The following ALG9 variants were observed in gnomAD, a reference collection of about 807,000 sequenced individuals.
The protein encoded by ALG9 is ALG9 alpha-1,2-mannosyltransferase, also known as alpha-1,2-mannosyltransferase ALG9.
In ALG9, 55 loss-of-function variants were observed where a neutral mutation model predicts 81.8. That is an observed-to-expected ratio of 0.67 (90% CI 0.54 to 0.84). The LOEUF (loss-of-function observed/expected upper bound fraction) is 0.84. Among genes scored for constraint, ALG9 ranks in the 40% least tolerant of loss-of-function variants. The pLI is 0.00. For synonymous variants in ALG9, 278 were observed against 274.3 expected (o/e 1.01, Z -0.13); for missense variants, 629 against 745.0 (o/e 0.84, Z 1.81).
At chr11:111,793,104 C>T (rs1194443127) in intron 14 of ALG9, among the ~76,000 whole-genome samples, 1 of 152,176 alleles carries the variant, frequency 6.6e-6, no homozygotes, top group Non-Finnish European at 1.5e-5. Flanking sequence ...CCACCTTAGC[C>T]TCCTGAGTAG....
chr11:111,852,680 A>G (rs899283456), intron 8 of ALG9, among the ~76,000 whole-genome samples: 1 of 152,180 alleles, frequency 6.6e-6, no homozygotes, highest in Non-Finnish European at 1.5e-5. Flanking sequence ...TCATGCCTGT[A>G]ATCCCAGCAC....
rs201194863 is a variant in ALG9 at position 111,786,462 on chromosome 11, A to G, written c.1792T>C (p.Tyr598His). 2.2e-4 allele frequency: 358 copies of G among 1,614,128 alleles called. 1 individual carries two copies. In the African/African-American group the frequency reaches 4.4e-3, roughly 20 times the overall value. ...VPFLSDQYTV[Y>H]VNYTILKPRK... Reference sequence around the variant, plus strand: ...GGTTTGAGGATGGTGTAGTTTACGTACACTGTATACTGATCTGACAGGAAG... The same window carrying G: ...GGTTTGAGGATGGTGTAGTTTACGTGCACTGTATACTGATCTGACAGGAAG... Residue 598 changes from tyrosine to histidine, a missense_variant, in exon 15 of 15, where the codon TAC becomes CAC. Tyr to His is a moderately conservative substitution (Grantham distance 83). Around this residue, in one of 3 missense-constraint regions of ALG9, gnomAD observed 264 missense variants for 302.2 expected, o/e 0.87. Coordinates refer to ENST00000616540, the MANE Select transcript of ALG9 (RefSeq NM_024740.2).
At chr11:111,864,083 A>G (rs1306403520) in intron 4 of ALG9, among the ~76,000 whole-genome samples, 1 of 152,192 alleles carries the variant, frequency 6.6e-6, no homozygotes, top group African/African-American at 2.4e-5. Flanking sequence ...AATCACCACT[A>G]AAGAACTTAT....
At chr11:111,813,396 G>A (rs1387737005) in intron 13 of ALG9, among the ~76,000 whole-genome samples, 1 of 152,118 alleles carries the variant, frequency 6.6e-6, no homozygotes, top group African/African-American at 2.4e-5. Context: ...GAGGCCAGGA[G>A]TTCAAGATCA....
downstream of ALG9, among the ~76,000 whole-genome samples, chr11:111,779,005 G>C (rs1042718694): frequency 5.9e-5 from 9 of 151,976 alleles, no homozygotes; most frequent in African/African-American, 2.2e-4. Flanking sequence ...GTAGAGACAG[G>C]GTTTCTCCAT....
chr11:111,821,740 A>G (rs1229846964), intron 13 of ALG9, among the ~76,000 whole-genome samples: 1 of 151,468 alleles, frequency 6.6e-6, no homozygotes, highest in Admixed American at 6.6e-5. Flanking sequence ...GGTTCACGCC[A>G]TTCTCCTGCC....
intron 14 of ALG9, among the ~76,000 whole-genome samples, chr11:111,786,878 CTG>C (rs1195550971): frequency 6.6e-6 from 1 of 152,124 alleles, no homozygotes; most frequent in African/African-American, 2.4e-5. Context: ...ATCTAAGAAA[CTG>C]TAGAGATGCC....
At chr11:111,792,391 G>A (rs1190939431) in intron 14 of ALG9, among the ~76,000 whole-genome samples, 3 of 152,160 alleles carry the variant, frequency 2.0e-5, no homozygotes, top group African/African-American at 7.2e-5. Flanking sequence ...AGCGAGAGAG[G>A]GATATCACAC....
chr11:111,770,581 C>T, the ALG9 span, among the ~76,000 whole-genome samples: 1 of 151,962 alleles, frequency 6.6e-6, no homozygotes, highest in Non-Finnish European at 1.5e-5. Flanking sequence ...CACCTGTAGG[C>T]CCAGCTGCTT....
At position 111,854,263 on chromosome 11, in the gene ALG9, A is replaced by AT. The variant is rs34277511; in HGVS notation, c.702-528dup. 4.1e-3 allele frequency among the ~76,000 whole-genome samples: 345 copies of AT among 83,216 alleles called. 2 individuals carry two copies. The highest frequency in any genetic ancestry group is 5.3e-3 in the Non-Finnish European group (245 of 46,504). The allele number at this position is 83,216 out of a possible 152,430, so 54.6% of individuals were successfully genotyped here. On this transcript the variant is annotated intron_variant, in intron 6 of 14. Transcript: ENST00000616540. The stretch of plus-strand genomic sequence containing the variant: ...AGGCACAGGCCATCAGCCCTGGCTA[A>AT]TTTTTTTTTTTTTTTTTTTTTTTTG...
intron 14 of ALG9, among the ~76,000 whole-genome samples, chr11:111,790,694 G>C (rs1947266051): frequency 6.6e-6 from 1 of 152,136 alleles, no homozygotes; most frequent in African/African-American, 2.4e-5. Context: ...GATTACAGAA[G>C]AGAAATGCAA....
chr11:111,790,869 G>A (rs1232848447), intron 14 of ALG9, among the ~76,000 whole-genome samples: 1 of 152,292 alleles, frequency 6.6e-6, no homozygotes, highest in Admixed American at 6.5e-5. Flanking sequence ...GTGTAAGCCT[G>A]CACAGCCACC....
At chr11:111,776,022 G>GTCAATAACTT in the ALG9 span, among the ~76,000 whole-genome samples, 1 of 152,112 alleles carries the variant, frequency 6.6e-6, no homozygotes, top group Admixed American at 6.6e-5. Context: ...GACTTCATAA[G>GTCAATAACTT]GTTGTTGTGA....
At chr11:111,835,110 GA>G (rs1955017906) in intron 13 of ALG9, among the ~76,000 whole-genome samples, 1 of 152,158 alleles carries the variant, frequency 6.6e-6, no homozygotes, top group Admixed American at 6.5e-5. Flanking sequence ...AAGAGAATTG[GA>G]AGTCTTGCTA....
chr11:111,829,669 T>C (rs1954007876), intron 13 of ALG9, among the ~76,000 whole-genome samples: 1 of 152,176 alleles, frequency 6.6e-6, no homozygotes, highest in Admixed American at 6.5e-5. Flanking sequence ...AAGATGTGTA[T>C]TTTGTCGGGG....
At chr11:111,778,820 T>C (rs1305573442), downstream of ALG9, among the ~76,000 whole-genome samples, 3 of 150,584 alleles carry the variant, frequency 2.0e-5, no homozygotes, top group African/African-American at 7.3e-5. Context: ...TCTTTTCTTT[T>C]TTTTTTTTTT....
chr11:111,837,531 G>A lies in ALG9; in HGVS notation c.1409C>T (p.Pro470Leu). The A allele has an allele frequency of 6.2e-7, 1 of 1,614,108 alleles. No homozygotes were observed. The highest frequency in any genetic ancestry group is 2.2e-5 in the East Asian group (1 of 44,888). The change falls in exon 12 of 15, where the codon CCT becomes CTT. Residue 470 changes from proline to leucine, a missense_variant. Transcript: ENST00000616540. ...PTIHTVPEGR[P>L]VNVCVGKEWY... ...CTCTTTTCCCACACAGACATTCACA[G>A]GTCTGCCTTCTGGGACAGTGTGGAT... is the stretch of plus-strand genomic sequence containing the variant.
rs1305342745 is a variant in ALG9, at chr11:111,803,048, A to T, written c.1733+6595T>A. Among the ~76,000 whole-genome samples the T allele has an allele frequency of 3.3e-5, 5 of 152,300 alleles. No homozygotes were observed. In the East Asian group the frequency reaches 9.6e-4, roughly 29 times the overall value. Reference sequence around the variant, plus strand: ...TTAGCAACATTCATGGATAGGAATGACTCAATATTGTCAAGATGTCAATTC... The same window carrying T: ...TTAGCAACATTCATGGATAGGAATGTCTCAATATTGTCAAGATGTCAATTC... On this transcript the variant is annotated intron_variant, in intron 14 of 14. Coordinates refer to ENST00000616540, the MANE Select transcript of ALG9 (RefSeq NM_024740.2).
At chr11:111,791,705 C>T (rs1384651523) in intron 14 of ALG9, among the ~76,000 whole-genome samples, 6 of 152,202 alleles carry the variant, frequency 3.9e-5, no homozygotes, top group African/African-American at 1.2e-4. Context: ...ACCTTAGAGC[C>T]TTTGCATATG....
Sources: gnomAD v4.1 joint callset for allele counts (sites outside exome capture counted in the v4.1 genomes callset) on GRCh38, gnomAD v4.1.1 for gene constraint, gnomAD v4.1.1 regional missense constraint, MANE v1.5 for transcripts, NCBI Gene and HGNC (gene_info 2026-07-23, HGNC 2026-07-21) for gene names.